The following EPM2A variants were observed in gnomAD, a reference collection of about 807,000 sequenced individuals.
EPM2A encodes EPM2A glucan phosphatase, laforin.
In EPM2A, 21 loss-of-function variants were observed where a neutral mutation model predicts 26.5. The ratio of observed to expected loss-of-function variants is 0.79; its 90% CI spans 0.56 to 1.14. The LOEUF (loss-of-function observed/expected upper bound fraction) is 1.14. Among genes scored for constraint, EPM2A ranks in the 50% most tolerant of loss-of-function variants. EPM2A has a pLI of 0.00. For synonymous variants in EPM2A, 217 were observed against 177.6 expected, an observed-to-expected ratio of 1.22 and a Z score of -1.76; for missense variants, 458 against 440.8, an observed-to-expected ratio of 1.04 and a Z score of -0.35.
chr6:145,474,072 C>T (rs901169132), intron 4 of EPM2A, among the ~76,000 whole-genome samples: 1 of 152,102 alleles, frequency 6.6e-6, no homozygotes, highest in Non-Finnish European at 1.5e-5. Context: ...AGTAGAAAGA[C>T]TAAAGTGTGA....
intron 4 of EPM2A, among the ~76,000 whole-genome samples, chr6:145,442,014 AG>A (rs1265858659): frequency 1.3e-5 from 2 of 152,254 alleles, no homozygotes; most frequent in African/African-American, 4.8e-5. Flanking sequence ...TCTCTAGGGC[AG>A]GGGCAAAATG....
intron 2 of EPM2A, chr6:145,637,056 T>C (rs913297873): frequency 6.6e-6 from 1 of 152,236 alleles, no homozygotes; most frequent in African/African-American, 2.4e-5. Context: ...TAAAAATAAC[T>C]CATAAAAATC....
chr6:145,456,413 G>A (rs1035300117), intron 4 of EPM2A, among the ~76,000 whole-genome samples: 3 of 152,082 alleles, frequency 2.0e-5, no homozygotes, highest in Non-Finnish European at 4.4e-5. Context: ...GCACTCCTTA[G>A]AATCTTTAAG....
At chr6:145,526,524 G>A (rs1445312230) in intron 2 of EPM2A, among the ~76,000 whole-genome samples, 1 of 151,900 alleles carries the variant, frequency 6.6e-6, no homozygotes, top group Non-Finnish European at 1.5e-5. Flanking sequence ...AGTCTGGGGT[G>A]GGTGTCTGTT....
intron 1 of EPM2A, among the ~76,000 whole-genome samples, chr6:145,725,933 T>A (rs1287843599): frequency 6.6e-6 from 1 of 152,072 alleles, no homozygotes; most frequent in East Asian, 1.9e-4. Context: ...TAAATGTATA[T>A]TTCTTTGTTT....
chr6:145,555,054 T>C (rs1326250129), intron 2 of EPM2A, among the ~76,000 whole-genome samples: 1 of 152,110 alleles, frequency 6.6e-6, no homozygotes, highest in African/African-American at 2.4e-5. Context: ...CTTATCACCA[T>C]AGCCTAGCTA....
At chr6:145,725,467 A>G (rs1776154458) in intron 1 of EPM2A, among the ~76,000 whole-genome samples, 1 of 152,078 alleles carries the variant, frequency 6.6e-6, no homozygotes, top group African/African-American at 2.4e-5. Context: ...ATTCATACCT[A>G]CACAAAAATC....
chr6:145,729,210 A>G (rs559838976), intron 1 of EPM2A, among the ~76,000 whole-genome samples: 18 of 152,340 alleles, frequency 1.2e-4, no homozygotes, highest in Admixed American at 1.2e-3. Flanking sequence ...ACCTCTACTA[A>G]GGCAGTGCAC....
intron 4 of EPM2A, among the ~76,000 whole-genome samples, chr6:145,413,382 G>C (rs1038514374): frequency 1.3e-5 from 2 of 152,184 alleles, no homozygotes; most frequent in African/African-American, 4.8e-5. Flanking sequence ...AAGTTTTGTT[G>C]TGTAGTTTGA....
rs917510556 is a variant in EPM2A at position 145,566,074 on chromosome 6, A to T, written c.341-63499T>A. ...CCGTAACCCAAGTCAGCCTCTTCTTAGGTGAATGATTTACCAAAATCATCT... is the reference window on the plus strand; with the variant it reads ...CCGTAACCCAAGTCAGCCTCTTCTTTGGTGAATGATTTACCAAAATCATCT... On this transcript the variant is annotated intron_variant, in intron 2 of 3. Coordinates refer to the EPM2A transcript ENST00000450221. Among the ~76,000 whole-genome samples the T allele has an allele frequency of 3.3e-5, 5 of 152,210 alleles. No individual in the cohort carries two copies. The South Asian group carries it at 6.2e-4, about 19-fold the overall frequency.
chr6:145,559,623 T>A (rs1780777131), intron 2 of EPM2A, among the ~76,000 whole-genome samples: 1 of 151,906 alleles, frequency 6.6e-6, no homozygotes, highest in Non-Finnish European at 1.5e-5. Flanking sequence ...AGAAAATTTC[T>A]TCTTCACAAT....
intron 1 of EPM2A, among the ~76,000 whole-genome samples, chr6:145,706,093 T>C (rs2128628820): frequency 6.6e-6 from 1 of 152,232 alleles, no homozygotes; most frequent in South Asian, 2.1e-4. Flanking sequence ...AGAGAAAAGG[T>C]ATTTAGAATG....
intron 4 of EPM2A, among the ~76,000 whole-genome samples, chr6:145,443,281 T>A (rs180680923): frequency 2.0e-5 from 3 of 152,304 alleles, no homozygotes; most frequent in East Asian, 1.9e-4. Context: ...ACATTGGTAG[T>A]TTGATAGGAA....
chr6:145,564,775 G>A (rs531052385), intron 2 of EPM2A, among the ~76,000 whole-genome samples: 1 of 150,914 alleles, frequency 6.6e-6, no homozygotes, highest in South Asian at 2.1e-4. Flanking sequence ...GTATATGGTG[G>A]GGGGGGGCAG....
chr6:145,654,403 C>T (rs764021775), intron 2 of EPM2A, among the ~76,000 whole-genome samples: 1 of 151,992 alleles, frequency 6.6e-6, no homozygotes, highest in African/African-American at 2.4e-5. Context: ...CTGGTGTAAT[C>T]ATAATACTGT....
intron 4 of EPM2A, among the ~76,000 whole-genome samples, chr6:145,401,531 C>T (rs1012136453): frequency 7.9e-5 from 12 of 152,068 alleles, no homozygotes; most frequent in African/African-American, 2.9e-4. Flanking sequence ...TTGCATTCTA[C>T]CCCAAAGTCC....
intron 4 of EPM2A, among the ~76,000 whole-genome samples, chr6:145,400,829 C>T (rs1778474112): frequency 6.6e-6 from 1 of 152,016 alleles, no homozygotes; most frequent in Non-Finnish European, 1.5e-5. Context: ...TCCTTCAAAG[C>T]GCTTAATTTT....
chr6:145,500,072 C>T (rs184957283), downstream of EPM2A, among the ~76,000 whole-genome samples: 965 of 152,148 alleles, frequency 6.3e-3, 13 homozygotes, highest in Non-Finnish European at 7.4e-3. Context: ...GTGAAATAGA[C>T]TTTGGTATAA....
intron 2 of EPM2A, among the ~76,000 whole-genome samples, chr6:145,585,336 T>G (rs555429479): frequency 2.6e-5 from 4 of 152,266 alleles, no homozygotes; most frequent in African/African-American, 9.6e-5. Flanking sequence ...TTTTTTACTC[T>G]CCTAAGGGAC....
Sources: gnomAD v4.1 joint callset for allele counts (sites outside exome capture counted in the v4.1 genomes callset) on GRCh38, gnomAD v4.1.1 for gene constraint, MANE v1.5 for transcripts, NCBI Gene and HGNC (gene_info 2026-07-23, HGNC 2026-07-21) for gene names.